TBC1D1: variants seen among roughly 807,000 people sequenced by gnomAD.
TBC1D1 encodes TBC1 (tre-2/USP6, BUB2, cdc16) domain family, member 1.
A neutral mutation model predicts 125.6 loss-of-function variants in TBC1D1; 89 were observed. That is an observed-to-expected ratio of 0.71 (90% confidence interval 0.60 to 0.85). The LOEUF is 0.85. Ranked by LOEUF, TBC1D1 falls within the 40% of genes least tolerant of loss-of-function variation. The probability of loss-of-function intolerance (pLI) is 0.00; values close to 1 mark genes in which losing one functional copy is unlikely to be tolerated. For missense variants in TBC1D1, 1,377 were observed against 1,469.2 expected (o/e 0.94, Z 1.03); for synonymous variants, 565 against 564.1 (o/e 1.00, Z -0.02).
At chr4:38,097,807 T>C (rs1210309010) in intron 14 of TBC1D1, among the ~76,000 whole-genome samples, 2 of 152,238 alleles carry the variant, frequency 1.3e-5, no homozygotes, top group Non-Finnish European at 2.9e-5. Context: ...TCTAGGAGCA[T>C]AAATGGAACA....
At chr4:38,063,463 G>C (rs1753123329) in intron 12 of TBC1D1, among the ~76,000 whole-genome samples, 1 of 127,394 alleles carries the variant, frequency 7.8e-6, no homozygotes, top group Non-Finnish European at 1.7e-5. Context: ...GCTCTGAGGA[G>C]GGAGTTTTTT....
chr4:38,068,739 T>A, intron 12 of TBC1D1, among the ~76,000 whole-genome samples: 1 of 152,230 alleles, frequency 6.6e-6, no homozygotes, highest in East Asian at 1.9e-4. Context: ...GCTACCGTAT[T>A]GTAAGCAGAG....
chr4:38,002,700 G>A (rs1316966055), intron 2 of TBC1D1, among the ~76,000 whole-genome samples: 1 of 152,114 alleles, frequency 6.6e-6, no homozygotes, highest in East Asian at 1.9e-4. Context: ...CTTTATTTAG[G>A]TGTTTTGTGC....
chr4:37,951,997 G>A (rs924343410), intron 2 of TBC1D1: 23 of 717,490 alleles, frequency 3.2e-5, no homozygotes, highest in Non-Finnish European at 5.2e-5. Context: ...GCCTTTCCCT[G>A]TATTACAGTG....
chr4:37,981,641 G>C (rs1482014558), intron 2 of TBC1D1, among the ~76,000 whole-genome samples: 2 of 152,210 alleles, frequency 1.3e-5, no homozygotes, highest in African/African-American at 4.8e-5. Context: ...GCTCCAGGCA[G>C]GCCTCAGGGA....
chr4:38,021,660 C>T lies in TBC1D1; in HGVS notation c.1152C>T (p.Ala384=), dbSNP rs1483758341. 2 of 1,598,246 alleles carry T rather than the reference C, an allele frequency of 1.3e-6. No individual in the cohort carries two copies. The highest frequency in any genetic ancestry group is 3.5e-5 in the Admixed American group (2 of 57,722). The change falls in exon 6 of 20, where the codon GCC becomes GCT. Residue 384 remains alanine, a synonymous_variant. Transcript: ENST00000261439. ...TGCAGCAGACAGCTAAGGCGCCAGCCCAGCTGTGTGAGGGCTGCCCCCTGC... is the reference window on the plus strand; with the variant it reads ...TGCAGCAGACAGCTAAGGCGCCAGCTCAGCTGTGTGAGGGCTGCCCCCTGC...
chr4:37,961,057 T>C, intron 2 of TBC1D1: 1 of 1,603,286 alleles, frequency 6.2e-7, no homozygotes, highest in Non-Finnish European at 8.5e-7. Flanking sequence ...TTCTTAGTGC[T>C]TTGGAGTTTG....
intron 18 of TBC1D1, among the ~76,000 whole-genome samples, chr4:38,129,438 C>T (rs1765221556): frequency 6.6e-6 from 1 of 152,160 alleles, no homozygotes; most frequent in Non-Finnish European, 1.5e-5. Context: ...TGCTCACATG[C>T]AGTGGTAATA....
intron 8 of TBC1D1, 58 bp from the exon 9 acceptor site, chr4:38,044,304 T>C: frequency 6.5e-7 from 1 of 1,544,672 alleles, no homozygotes; most frequent in Non-Finnish European, 8.7e-7. Flanking sequence ...AGATTTTTCA[T>C]TCCTTTAAGA....
chr4:37,933,433 TACACACACACACACACAC>T (rs3038289), intron 2 of TBC1D1, among the ~76,000 whole-genome samples: 12 of 147,366 alleles, frequency 8.1e-5, no homozygotes, highest in African/African-American at 2.3e-4. Flanking sequence ...ACATATGTTT[TACACACACACACACACAC>T]ACACACACAC....
chr4:38,025,450 T>C (rs1315804283), intron 6 of TBC1D1, among the ~76,000 whole-genome samples: 1 of 152,118 alleles, frequency 6.6e-6, no homozygotes, highest in East Asian at 1.9e-4. Flanking sequence ...GGGCCGGCTA[T>C]TTAGAGATGG....
chr4:38,137,079 A>G, intron 19 of TBC1D1, 56 bp from the exon 22 acceptor site: 1 of 1,609,202 alleles, frequency 6.2e-7, no homozygotes, highest in Non-Finnish European at 8.5e-7. Flanking sequence ...TGGGCACTGG[A>G]TCCCACCTGT....
chr4:38,102,111 G>A (rs1394302968), intron 14 of TBC1D1, among the ~76,000 whole-genome samples: 1 of 105,486 alleles, frequency 9.5e-6, no homozygotes, highest in South Asian at 4.0e-4. Flanking sequence ...GGGGAGGGGG[G>A]AGGGATAGCA....
Position 38,133,104 on chromosome 4 carries a change from T to C in TBC1D1, c.3153T>C (p.Ala1051=). Residue 1051 remains alanine, a synonymous_variant, in exon 19 of 20, where the codon GCT becomes GCC. Transcript: ENST00000261439. ...AACAGGTATTTGAAATGGACATCGC[T>C]AAACAGTTACAAGCTTATGAAGTTG... 6.2e-7 allele frequency: 1 copy of C among 1,613,576 alleles called. No individual in the cohort carries two copies. Among genetic ancestry groups the C allele is most frequent in the Non-Finnish European group, 8.5e-7 (1 of 1,179,834 alleles).
chr4:37,910,993 C>T (rs1320473306), intron 2 of TBC1D1, among the ~76,000 whole-genome samples: 1 of 151,582 alleles, frequency 6.6e-6, no homozygotes, highest in Admixed American at 6.6e-5. Context: ...AATGTGCCTA[C>T]TAGATAATTT....
chr4:37,922,297 G>T (rs541748415), intron 2 of TBC1D1, among the ~76,000 whole-genome samples: 2 of 152,264 alleles, frequency 1.3e-5, no homozygotes, highest in South Asian at 4.1e-4. Flanking sequence ...AATTCAACCC[G>T]TCCTATTGAG....
At chr4:38,100,839 A>G (rs1760191362) in intron 14 of TBC1D1, among the ~76,000 whole-genome samples, 1 of 152,236 alleles carries the variant, frequency 6.6e-6, no homozygotes, top group South Asian at 2.1e-4. Flanking sequence ...AAATCCACAG[A>G]TGGTTATTTT....
chr4:38,127,339 G>A (rs1279273129), intron 18 of TBC1D1, among the ~76,000 whole-genome samples: 4 of 151,628 alleles, frequency 2.6e-5, no homozygotes, highest in African/African-American at 7.3e-5. Context: ...GTTTCAAGCC[G>A]CTATCTGGCT....
chr4:37,943,502 T>C (rs1726015271), intron 2 of TBC1D1, among the ~76,000 whole-genome samples: 1 of 152,242 alleles, frequency 6.6e-6, no homozygotes, highest in South Asian at 2.1e-4. Context: ...TCTTTTCACA[T>C]AGTCCCGTAT....
Sources: allele counts gnomAD v4.1 joint callset (sites outside exome capture counted in the v4.1 genomes callset), GRCh38; gene constraint gnomAD v4.1.1; transcripts MANE v1.5; gene names NCBI Gene and HGNC (gene_info 2026-07-23, HGNC 2026-07-21).